Variants in SERGEF observed in about 807,000 individuals in gnomAD.
SERGEF encodes secretion regulating guanine nucleotide exchange factor, also known as secretion-regulating guanine nucleotide exchange factor.
A neutral mutation model predicts 50.0 loss-of-function variants in SERGEF; 51 were observed. The ratio of observed to expected loss-of-function variants is 1.02; its 90% confidence interval spans 0.81 to 1.29. The LOEUF is 1.29. Among genes scored for constraint, SERGEF ranks in the 50% most tolerant of loss-of-function variants. The pLI is 0.00. For missense variants in SERGEF, 521 were observed against 557.0 expected (o/e 0.94, Z 0.65); for synonymous variants, 205 against 212.4 (o/e 0.97, Z 0.30).
chr11:18,007,911 G>C (rs375039054), intron 2 of SERGEF, 30 bp downstream of exon 2: 1 of 1,590,088 alleles, frequency 6.3e-7, no homozygotes, highest in South Asian at 1.1e-5. Flanking sequence ...ATAAGAAAAT[G>C]AGTGACTATC....
intron 10 of SERGEF, among the ~76,000 whole-genome samples, chr11:17,876,149 C>T (rs1025379434): frequency 2.6e-5 from 4 of 152,244 alleles, no homozygotes; most frequent in African/African-American, 9.6e-5. Context: ...GAGCCTCTTG[C>T]TCCTGGCCAC....
At chr11:17,934,083 T>TA (rs530775213) in intron 9 of SERGEF, among the ~76,000 whole-genome samples, 7 of 151,896 alleles carry the variant, frequency 4.6e-5, no homozygotes, top group Non-Finnish European at 7.4e-5. Flanking sequence ...AATTGAATAA[T>TA]AAAAAAAACT....
intron 5 of SERGEF, among the ~76,000 whole-genome samples, chr11:17,999,788 G>C (rs1379735533): frequency 6.6e-6 from 1 of 152,156 alleles, no homozygotes; most frequent in Non-Finnish European, 1.5e-5. Flanking sequence ...AAAAATATGA[G>C]CCTTAGGATC....
chr11:17,983,655 T>C (rs986966978), intron 8 of SERGEF, among the ~76,000 whole-genome samples: 1 of 151,596 alleles, frequency 6.6e-6, no homozygotes, highest in Non-Finnish European at 1.5e-5. Flanking sequence ...CCTGCCTTCA[T>C]GGGGCTTACA....
rs981136029 is a variant in SERGEF, at chr11:18,012,819, C to T, written c.60+132G>A. The T allele has an allele frequency of 1.7e-5, 26 of 1,513,956 alleles. No individual in the cohort carries two copies. In the Admixed American group the frequency reaches 2.0e-4, roughly 12 times the overall value. The allele number at this position is 1,513,956 out of a possible 1,614,324, so 93.8% of individuals were successfully genotyped here. Reference sequence around the variant, plus strand: ...CTCCGCTCCCCCTCCGCTCCCAGCCCAGGATCCTTCAACCCAGAGCCCGGC... The same window carrying T: ...CTCCGCTCCCCCTCCGCTCCCAGCCTAGGATCCTTCAACCCAGAGCCCGGC... On this transcript the variant is annotated intron_variant, in intron 1 of 10. Transcript: ENST00000265965.
At chr11:17,848,397 T>C (rs188977034) in intron 10 of SERGEF, among the ~76,000 whole-genome samples, 65 of 152,320 alleles carry the variant, frequency 4.3e-4, no homozygotes, top group African/African-American at 1.6e-3. Flanking sequence ...GAAAGGTATT[T>C]GTTAGGAAAA....
intron 10 of SERGEF, among the ~76,000 whole-genome samples, chr11:17,876,262 TAAAATGGAAAATAACA>T (rs1851234399): frequency 6.6e-6 from 1 of 152,138 alleles, no homozygotes. Context: ...GCACTGGGGA[TAAAATGGAAAATAACA>T]GGTCTGTCCT....
At chr11:17,883,057 TGA>T (rs1022723346) in intron 9 of SERGEF, among the ~76,000 whole-genome samples, 2 of 152,072 alleles carry the variant, frequency 1.3e-5, no homozygotes, top group African/African-American at 4.8e-5. Flanking sequence ...TTCCCAGAAA[TGA>T]GAGAGGTCTG....
intron 8 of SERGEF, among the ~76,000 whole-genome samples, chr11:17,960,217 G>C (rs976836445): frequency 6.6e-5 from 10 of 152,068 alleles, no homozygotes; most frequent in Non-Finnish European, 1.2e-4. Flanking sequence ...GTGTTTATGT[G>C]TGCTAGAGGG....
intron 1 of SERGEF, chr11:18,012,642 T>C: frequency 2.5e-6 from 3 of 1,178,632 alleles, no homozygotes; most frequent in Non-Finnish European, 3.3e-6. Flanking sequence ...TTCCAGGCGC[T>C]ATTCGGGCTG....
At chr11:17,887,477 C>T (rs1489642886) in intron 9 of SERGEF, among the ~76,000 whole-genome samples, 1 of 152,132 alleles carries the variant, frequency 6.6e-6, no homozygotes, top group African/African-American at 2.4e-5. Context: ...AGATTCAGGC[C>T]AGGTAAATAT....
chr11:17,906,706 C>T (rs1244623630), intron 9 of SERGEF, among the ~76,000 whole-genome samples: 5 of 151,978 alleles, frequency 3.3e-5, no homozygotes, highest in Non-Finnish European at 7.4e-5. Flanking sequence ...ATACTGCAGC[C>T]GGCAGTGCAG....
intron 9 of SERGEF, among the ~76,000 whole-genome samples, chr11:17,889,997 A>AT (rs1851501905): frequency 7.0e-6 from 1 of 142,352 alleles, no homozygotes. Context: ...AGATCTGTGC[A>AT]TTTTACTGTA....
chr11:17,994,475 C>CAA (rs58280362), intron 6 of SERGEF, among the ~76,000 whole-genome samples: 14,180 of 61,942 alleles, frequency 0.23, 2,384 homozygotes, highest in African/African-American at 0.37. Context: ...GACTCTGTCT[C>CAA]AAAAAAAAAA....
At chr11:17,966,060 T>C (rs1853116285) in intron 8 of SERGEF, among the ~76,000 whole-genome samples, 1 of 152,200 alleles carries the variant, frequency 6.6e-6, no homozygotes, top group Non-Finnish European at 1.5e-5. Flanking sequence ...TGTTAAATCT[T>C]CTCAGCCAAT....
At chr11:18,006,210 G>T (rs940538909) in intron 3 of SERGEF, among the ~76,000 whole-genome samples, 3 of 152,322 alleles carry the variant, frequency 2.0e-5, no homozygotes, top group Admixed American at 1.3e-4. Flanking sequence ...TCAGGCTGGG[G>T]TGCAGTGGCG....
intron 9 of SERGEF, among the ~76,000 whole-genome samples, chr11:17,896,697 GGGT>G: frequency 9.2e-6 from 1 of 109,098 alleles, no homozygotes; most frequent in Non-Finnish European, 2.2e-5. Flanking sequence ...GAAAGGGGAA[GGGT>G]AAGGGAAGGG....
chr11:17,909,280 G>A (rs747518409), intron 9 of SERGEF, among the ~76,000 whole-genome samples: 2 of 152,178 alleles, frequency 1.3e-5, no homozygotes, highest in African/African-American at 2.4e-5. Flanking sequence ...ACAACACTTC[G>A]TAAATGAAAG....
intron 10 of SERGEF, among the ~76,000 whole-genome samples, chr11:17,820,044 A>G (rs762443668): frequency 2.6e-4 from 39 of 152,032 alleles, no homozygotes; most frequent in Non-Finnish European, 4.3e-4. Flanking sequence ...GGGTTTCACT[A>G]TGTTGTCCTG....
Sources: allele counts gnomAD v4.1 joint callset (sites outside exome capture counted in the v4.1 genomes callset), GRCh38; gene constraint gnomAD v4.1.1; transcripts MANE v1.5; gene names NCBI Gene and HGNC (gene_info 2026-07-23, HGNC 2026-07-21).